ZNF587: variants seen among roughly 807,000 people sequenced by gnomAD.
ZNF587 encodes zinc finger protein 587.
ZNF587 carries 8 observed loss-of-function variants against 7.5 expected under a neutral mutation model. That is an observed-to-expected ratio of 1.06 (90% CI 0.62 to 1.92). The LOEUF is 1.92. Ranked by LOEUF, ZNF587 falls within the 40% of genes most tolerant of loss-of-function variation. The pLI is 0.00. For synonymous variants in ZNF587, 145 were observed against 237.8 expected, an observed-to-expected ratio of 0.61 and a Z score of 3.59; for missense variants, 468 against 692.8, an observed-to-expected ratio of 0.68 and a Z score of 3.64.
At chr19:57,856,257 G>A in intron 2 of ZNF587, 24 bp downstream of exon 2, 1 of 1,555,134 alleles carries the variant, frequency 6.4e-7, no homozygotes, top group South Asian at 1.2e-5. Flanking sequence ...GCTCACCTTT[G>A]TGACCTGAGC....
chr19:57,863,987 G>GA lies in ZNF587; in HGVS notation c.*3848dup, dbSNP rs1359765730. 2.7e-5 allele frequency: 4 copies of GA among 146,236 alleles called. No individual in the cohort carries two copies. Among genetic ancestry groups the GA allele is most frequent in the Non-Finnish European group, 6.0e-5 (4 of 67,216 alleles). 9.1% of individuals were successfully genotyped at this position (146,236 alleles called of 1,614,324 possible). A position where few individuals can be genotyped will look rare whatever the true frequency, so the allele number is the denominator to read the frequency against. On this transcript the variant is annotated 3_prime_UTR_variant, in exon 3 of 3. Coordinates refer to ENST00000339656, the MANE Select transcript of ZNF587 (RefSeq NM_032828.4). ...GAACCTGGGAGGTGGAAGGTGCACT[G>GA]AGCCAATATCACACCAGTGCACTCC...
intron 1 of ZNF587, chr19:57,854,068 C>G (rs1420412045): frequency 6.6e-6 from 1 of 152,226 alleles, no homozygotes; most frequent in Non-Finnish European, 1.5e-5. Context: ...AACTATTTAT[C>G]ACTGTCTGGA....
At chr19:57,854,937 G>A (rs186630041) in intron 1 of ZNF587, among the ~76,000 whole-genome samples, 1 of 151,916 alleles carries the variant, frequency 6.6e-6, no homozygotes, top group East Asian at 1.9e-4. Flanking sequence ...AGCACTTTGG[G>A]ATGCTGAGGT....
chr19:57,860,356 C>T lies in ZNF587; in HGVS notation c.*216C>T, dbSNP rs559803022. ...CAGTCTTGGCTCGCTGCAACTTGGG[C>T]CTCCTGGGTTCATGCAATCCTCCTA... On this transcript the variant is annotated 3_prime_UTR_variant, in exon 3 of 3. Coordinates refer to ENST00000339656, the MANE Select transcript of ZNF587 (RefSeq NM_032828.4). 326 of 817,834 alleles carry T rather than the reference C, an allele frequency of 4.0e-4. No homozygotes were observed. Among genetic ancestry groups the T allele is most frequent in the Non-Finnish European group, 5.8e-4 (307 of 530,700 alleles). 50.7% of individuals were successfully genotyped at this position (817,834 alleles called of 1,614,324 possible).
At chr19:57,855,562 TTTG>T (rs1444303691) in intron 1 of ZNF587, among the ~76,000 whole-genome samples, 1 of 147,514 alleles carries the variant, frequency 6.8e-6, no homozygotes, top group Non-Finnish European at 1.5e-5. Context: ...GTGGGCTTTT[TTTG>T]TTTTTTTTTT....
chr19:57,852,770 G>A (rs553522663), intron 1 of ZNF587, among the ~76,000 whole-genome samples: 81 of 140,792 alleles, frequency 5.8e-4, no homozygotes, highest in African/African-American at 2.0e-3. Context: ...TCAAGTGATC[G>A]TCACATCTCG....
At position 57,863,585 on chromosome 19, in the gene ZNF587, T is replaced by C. The variant is rs5029044; in HGVS notation, c.*3445T>C. On this transcript the variant is annotated 3_prime_UTR_variant, in exon 3 of 3. Transcript: ENST00000339656. ...TTTGCAACATTTTTTAGATATGTAT[T>C]TGTGTTTTTTGGGGAGCTTAATTTG... 54,648 of 152,138 alleles carry C rather than the reference T, an allele frequency of 0.36. 11,175 individuals are homozygous for C. Among genetic ancestry groups the C allele is most frequent in the South Asian group, 0.62 (2,996 of 4,826 alleles). The allele number at this position is 152,138 out of a possible 1,614,324, so 9.4% of individuals were successfully genotyped here.
intron 2 of ZNF587, chr19:57,857,137 G>C (rs2071367306): frequency 6.6e-6 from 1 of 151,948 alleles, no homozygotes; most frequent in Non-Finnish European, 1.5e-5. Flanking sequence ...GTGAGATGGA[G>C]AGTCCTCCAT....
chr19:57,861,537 C>G lies in ZNF587; in HGVS notation c.*1397C>G, dbSNP rs2071431987. On this transcript the variant is annotated 3_prime_UTR_variant, in exon 3 of 3. Coordinates refer to ENST00000339656, the MANE Select transcript of ZNF587 (RefSeq NM_032828.4). Reference sequence around the variant, plus strand: ...GTAGAGAGGGTTTTACCTTTTTGCCCAGTCTGATCGCGAACTCCTGGGCTC... The same window carrying G: ...GTAGAGAGGGTTTTACCTTTTTGCCGAGTCTGATCGCGAACTCCTGGGCTC... 4 of 152,054 alleles carry G rather than the reference C, an allele frequency of 2.6e-5. No individual in the cohort carries two copies. Among genetic ancestry groups the G allele is most frequent in the African/African-American group, 9.7e-5 (4 of 41,400 alleles). 9.4% of individuals were successfully genotyped at this position (152,054 alleles called of 1,614,324 possible). A position where few individuals can be genotyped will look rare whatever the true frequency, so the allele number is the denominator to read the frequency against.
chr19:57,856,438 C>T (rs544239336), intron 2 of ZNF587, among the ~76,000 whole-genome samples: 36 of 149,722 alleles, frequency 2.4e-4, no homozygotes, highest in East Asian at 3.9e-4. Context: ...GACAGTGTCT[C>T]GCTCTGTCAC....
chr19:57,859,552 C>G lies in ZNF587; in HGVS notation c.1140C>G (p.Tyr380Ter), dbSNP rs759643060. 3 of 1,611,634 alleles carry G rather than the reference C, an allele frequency of 1.9e-6. No homozygotes were observed. Among genetic ancestry groups the G allele is most frequent in the Non-Finnish European group, 2.5e-6 (3 of 1,179,386 alleles). Residue 380 changes from tyrosine (Y) to a stop codon, truncating the protein, a stop_gained, in exon 3 of 3, where the codon TAC becomes TAG. Transcript: ENST00000339656. LOFTEE classifies it low-confidence loss of function (END_TRUNC). ...GTGTTCACACTGGAGAAAGGCCTTA[C>G]AAGTGTGGAGAATGTGGGAAATCTT... ...HQRVHTGERPYKCGECGKSFG... is the reference protein window; with the variant it reads ...HQRVHTGERP
At chr19:57,850,791 G>T (rs552150825) in intron 1 of ZNF587, 3 of 387,864 alleles carry the variant, frequency 7.7e-6, no homozygotes, top group Non-Finnish European at 1.4e-5. Context: ...CTGATTGGAG[G>T]GGGAGGAAGC....
rs1296431132 is a variant in ZNF587 at position 57,860,865 on chromosome 19, A to C, written c.*725A>C. 6.6e-6 allele frequency: 1 copy of C among 151,952 alleles called. No homozygotes were observed. The highest frequency in any genetic ancestry group is 1.5e-5 in the Non-Finnish European group (1 of 67,970). The allele number at this position is 151,952 out of a possible 1,614,324, so 9.4% of individuals were successfully genotyped here. On this transcript the variant is annotated 3_prime_UTR_variant, in exon 3 of 3. Coordinates refer to ENST00000339656, the MANE Select transcript of ZNF587 (RefSeq NM_032828.4). ...TGAGTCACGTGATAGATTAAAGTAC[A>C]ACTCTTTTTTGAGACAGAGTCTCAC...
rs971648716 is a variant in ZNF587, at chr19:57,861,156, T to C, written c.*1016T>C. ...CTGTGCTTGGCCTAATGTACAACTT[T>C]TTAAGCAATGCCAAACTATGACTTA... On this transcript the variant is annotated 3_prime_UTR_variant, in exon 3 of 3. Transcript: ENST00000339656. 6.6e-6 allele frequency: 1 copy of C among 152,188 alleles called. No individual in the cohort carries two copies. Among genetic ancestry groups the C allele is most frequent in the Non-Finnish European group, 1.5e-5 (1 of 68,032 alleles). 9.4% of individuals were successfully genotyped at this position (152,188 alleles called of 1,614,324 possible).
chr19:57,850,038 G>T lies in ZNF587; in HGVS notation c.-1G>T. ...CGGGCCGTGCTTCCCCAAGTAGTCC[G>T]ATGGCAGCGGCTGTGCCGAGGCGCC... On this transcript the variant is annotated 5_prime_UTR_variant, in exon 1 of 3. Transcript: ENST00000339656. 6.2e-7 allele frequency: 1 copy of T among 1,614,246 alleles called. No homozygotes were observed. Among genetic ancestry groups the T allele is most frequent in the Non-Finnish European group, 8.5e-7 (1 of 1,180,046 alleles).
At chr19:57,855,236 T>A (rs1057042253) in intron 1 of ZNF587, among the ~76,000 whole-genome samples, 1 of 151,760 alleles carries the variant, frequency 6.6e-6, no homozygotes, top group African/African-American at 2.4e-5. Flanking sequence ...TCCCAGCTAC[T>A]TGGGAGGCTG....
In ZNF587 at chr19:57,861,459, T is replaced by C. The variant is rs2071431217; in HGVS notation, c.*1319T>C. 1 of 152,090 alleles carries C rather than the reference T, an allele frequency of 6.6e-6. No individual in the cohort carries two copies. 9.4% of individuals were successfully genotyped at this position (152,090 alleles called of 1,614,324 possible). On this transcript the variant is annotated 3_prime_UTR_variant, in exon 3 of 3. Coordinates refer to ENST00000339656, the MANE Select transcript of ZNF587 (RefSeq NM_032828.4). The stretch of plus-strand genomic sequence containing the variant: ...ACTCTGCCCACCTCAGCCTCCAGAG[T>C]AGCTGGAAATACAGGTATGCACCAC...
At chr19:57,857,230 G>A (rs1467557404) in intron 2 of ZNF587, 1 of 151,936 alleles carries the variant, frequency 6.6e-6, no homozygotes, top group Non-Finnish European at 1.5e-5. Context: ...TGCTGGGGGA[G>A]GGCATGACTT....
At position 57,860,206 on chromosome 19, in the gene ZNF587, C is replaced by T. The variant is rs749907747; in HGVS notation, c.*66C>T. The T allele has an allele frequency of 1.9e-6, 3 of 1,612,952 alleles. No individual in the cohort carries two copies. The highest frequency in any genetic ancestry group is 1.7e-5 in the Admixed American group (1 of 59,948). ...CTCGTTAAACACAGGAGAGTTCATACTGGAGAAAGGCCTTATGAGTGCTGT... is the reference window on the plus strand; with the variant it reads ...CTCGTTAAACACAGGAGAGTTCATATTGGAGAAAGGCCTTATGAGTGCTGT... On this transcript the variant is annotated 3_prime_UTR_variant, in exon 3 of 3. Coordinates refer to ENST00000339656, the MANE Select transcript of ZNF587 (RefSeq NM_032828.4).
Sources: gnomAD v4.1 joint callset for allele counts (sites outside exome capture counted in the v4.1 genomes callset) on GRCh38, gnomAD v4.1.1 for gene constraint, MANE v1.5 for transcripts, NCBI Gene and HGNC (gene_info 2026-07-23, HGNC 2026-07-21) for gene names.